The following TGFBR1 variants were observed in gnomAD, a reference collection of about 807,000 sequenced individuals.
The protein encoded by TGFBR1 is transforming growth factor beta receptor 1.
TGFBR1 carries 20 observed loss-of-function variants against 55.1 expected under a neutral mutation model. The ratio of observed to expected loss-of-function variants is 0.36; its 90% CI spans 0.26 to 0.53. TGFBR1 has a LOEUF of 0.53. TGFBR1 is among the 20% of genes least tolerant of loss of function. TGFBR1 has a pLI of 0.91. For synonymous variants in TGFBR1, 220 were observed against 214.8 expected, an observed-to-expected ratio of 1.02 and a Z score of -0.21; for missense variants, 385 against 617.6, an observed-to-expected ratio of 0.62 and a Z score of 3.99.
rs886063232 is a variant in TGFBR1, at chr9:99,150,736, G to A, written c.*1431G>A. The A allele has an allele frequency of 4.7e-6, 1 of 213,382 alleles. No homozygotes were observed. The highest frequency in any genetic ancestry group is 1.9e-4 in the South Asian group (1 of 5,354). 13.2% of individuals were successfully genotyped at this position (213,382 alleles called of 1,614,324 possible). A position where few individuals can be genotyped will look rare whatever the true frequency, so the allele number is the denominator to read the frequency against. ...AGTGCACCCTTGTTACTTGGGAGAGGTGGTAGCTAAAGAACATTCTGAGTA... is the reference window on the plus strand; with the variant it reads ...AGTGCACCCTTGTTACTTGGGAGAGATGGTAGCTAAAGAACATTCTGAGTA... On this transcript the variant is annotated 3_prime_UTR_variant, in exon 9 of 9. Coordinates refer to ENST00000374994, the MANE Select transcript of TGFBR1 (RefSeq NM_004612.4).
chr9:99,134,017 AT>A (rs1363780432), intron 3 of TGFBR1, among the ~76,000 whole-genome samples: 2 of 150,712 alleles, frequency 1.3e-5, no homozygotes, highest in African/African-American at 4.9e-5. Context: ...AAAAAAAAAA[AT>A]TTTCACTAAT....
intron 2 of TGFBR1, among the ~76,000 whole-genome samples, chr9:99,131,264 A>G (rs1007252648): frequency 6.6e-6 from 1 of 152,168 alleles, no homozygotes; most frequent in East Asian, 1.9e-4. Flanking sequence ...GGCAAATGGA[A>G]CATTTTTACG....
chr9:99,116,404 C>T (rs954251700), intron 1 of TGFBR1, among the ~76,000 whole-genome samples: 22 of 152,144 alleles, frequency 1.4e-4, no homozygotes, highest in Non-Finnish European at 2.9e-4. Flanking sequence ...GAGGAAATAG[C>T]GTAGTTGCCC....
chr9:99,125,677 CT>C, intron 1 of TGFBR1, among the ~76,000 whole-genome samples: 1 of 152,190 alleles, frequency 6.6e-6, no homozygotes, highest in East Asian at 1.9e-4. Context: ...TGAAGGGGAT[CT>C]TCACACAGCT....
At chr9:99,111,435 T>C (rs1826575934) in intron 1 of TGFBR1, among the ~76,000 whole-genome samples, 1 of 150,778 alleles carries the variant, frequency 6.6e-6, no homozygotes, top group Admixed American at 6.7e-5. Context: ...GAGACCAGCC[T>C]GGCCAACATG....
chr9:99,138,139 A>G, intron 4 of TGFBR1, 50 bp downstream of exon 4: 1 of 1,511,646 alleles, frequency 6.6e-7, no homozygotes, highest in African/African-American at 1.4e-5. Context: ...GATCTCTTTA[A>G]GTCTTTACAG....
At chr9:99,112,841 T>TA (rs747621502) in intron 1 of TGFBR1, among the ~76,000 whole-genome samples, 12 of 150,854 alleles carry the variant, frequency 8.0e-5, no homozygotes, top group Non-Finnish European at 1.3e-4. Flanking sequence ...CAGCAAAGAT[T>TA]AAAAAAAAAT....
At chr9:99,126,745 A>G (rs950638118) in intron 1 of TGFBR1, among the ~76,000 whole-genome samples, 2 of 152,226 alleles carry the variant, frequency 1.3e-5, no homozygotes, top group Admixed American at 6.5e-5. Context: ...CCAGACAGCC[A>G]TCACCATCAC....
chr9:99,109,016 A>G (rs989384461), intron 1 of TGFBR1, among the ~76,000 whole-genome samples: 1 of 152,200 alleles, frequency 6.6e-6, no homozygotes, highest in African/African-American at 2.4e-5. Flanking sequence ...TTCTGATTCC[A>G]TATCTTGTGC....
Position 99,132,665 on chromosome 9 carries a change from A to T in TGFBR1, c.500A>T (p.Asp167Val). 2 of 1,614,146 alleles carry T rather than the reference A, an allele frequency of 1.2e-6. No individual in the cohort carries two copies. Among genetic ancestry groups the T allele is most frequent in the Non-Finnish European group, 1.7e-6 (2 of 1,180,024 alleles). The part of the protein sequence containing the change: ...RVPNEEDPSL[D>V]RPFISEGTTL... ...CCAAATGAAGAGGACCCTTCATTAG[A>T]TCGCCCTTTTATTTCAGAGGGTACT... The change falls in exon 3 of 9, where the codon GAT (aspartate) becomes GTT (valine). Residue 167 changes from aspartate to valine, a missense_variant. Physicochemically the swap from Asp to Val is radical, Grantham distance 152 (BLOSUM62 -3). Coordinates refer to ENST00000374994, the MANE Select transcript of TGFBR1 (RefSeq NM_004612.4).
chr9:99,118,643 CTTTTTTTTTTTT>C (rs749441442), intron 1 of TGFBR1, among the ~76,000 whole-genome samples: 1 of 129,736 alleles, frequency 7.7e-6, no homozygotes, highest in African/African-American at 2.9e-5. Flanking sequence ...TGTTTTCTTT[CTTTTTTTTTTTT>C]TTTTTTTTGA....
chr9:99,118,855 C>A (rs1257859299), intron 1 of TGFBR1, among the ~76,000 whole-genome samples: 3 of 151,980 alleles, frequency 2.0e-5, no homozygotes, highest in African/African-American at 7.2e-5. Context: ...TTTTGTATAT[C>A]CTCTACCTAA....
chr9:99,134,470 G>A (rs1006468007), intron 3 of TGFBR1, among the ~76,000 whole-genome samples: 1 of 152,046 alleles, frequency 6.6e-6, no homozygotes, highest in Non-Finnish European at 1.5e-5. Context: ...GAGCTTTCCT[G>A]GGACTTCCCA....
At chr9:99,138,981 A>G (rs774395033) in intron 4 of TGFBR1, among the ~76,000 whole-genome samples, 1 of 151,998 alleles carries the variant, frequency 6.6e-6, no homozygotes, top group Non-Finnish European at 1.5e-5. Context: ...TATTTTTAGT[A>G]GAGATGGGGT....
intron 3 of TGFBR1, among the ~76,000 whole-genome samples, chr9:99,133,298 A>G (rs748231330): frequency 7.9e-5 from 12 of 152,328 alleles, no homozygotes; most frequent in South Asian, 4.1e-4. Flanking sequence ...AAAAATGTCT[A>G]ACCACCTTCT....
rs1166842867 is a variant in TGFBR1, at chr9:99,149,434, A to C, written c.*129A>C. The C allele has an allele frequency of 7.3e-7, 1 of 1,369,964 alleles. No individual in the cohort carries two copies. The highest frequency in any genetic ancestry group is 1.4e-5 in the African/African-American group (1 of 69,428). The allele number at this position is 1,369,964 out of a possible 1,614,324, so 84.9% of individuals were successfully genotyped here. ...TTGCTTCCTTTTGCAGCAGTGTAAT[A>C]AAGTCAATTAAAAACTTCCCAGGAT... On this transcript the variant is annotated 3_prime_UTR_variant, in exon 9 of 9. Transcript: ENST00000374994.
At chr9:99,127,840 A>G (rs928911528) in intron 1 of TGFBR1, 9 of 430,362 alleles carry the variant, frequency 2.1e-5, no homozygotes, top group Admixed American at 1.0e-4. Context: ...TGGTGAAATT[A>G]TGCACACATT....
At chr9:99,110,886 A>T (rs1441840205) in intron 1 of TGFBR1, among the ~76,000 whole-genome samples, 1 of 152,222 alleles carries the variant, frequency 6.6e-6, no homozygotes, top group Non-Finnish European at 1.5e-5. Context: ...CTCTTTTCCT[A>T]TACAAATGCT....
intron 1 of TGFBR1, among the ~76,000 whole-genome samples, chr9:99,126,674 A>C (rs185283558): frequency 5.1e-4 from 78 of 152,298 alleles, no homozygotes; most frequent in African/African-American, 1.7e-3. Flanking sequence ...TATGGGATTC[A>C]TGTACCTCTG....
Sources: gnomAD v4.1 joint callset for allele counts (sites outside exome capture counted in the v4.1 genomes callset) on GRCh38, gnomAD v4.1.1 for gene constraint, MANE v1.5 for transcripts, NCBI Gene and HGNC (gene_info 2026-07-23, HGNC 2026-07-21) for gene names.